Variants in KIF24 observed in about 807,000 individuals in gnomAD.
KIF24 encodes kinesin-like protein KIF24.
KIF24 carries 81 observed loss-of-function variants against 118.9 expected under a neutral mutation model. That is an observed-to-expected ratio of 0.68 (90% CI 0.57 to 0.82). KIF24 has a LOEUF of 0.82. Ranked by LOEUF, KIF24 falls within the 40% of genes least tolerant of loss-of-function variation. The probability of loss-of-function intolerance (pLI) is 0.00; values close to 1 mark genes in which losing one functional copy is unlikely to be tolerated. For synonymous variants in KIF24, 599 were observed against 610.0 expected (o/e 0.98, Z 0.27); for missense variants, 1,560 against 1,661.6 (o/e 0.94, Z 1.06).
rs1197581347 is a variant in KIF24, at chr9:34,309,964, G to T, written c.623+760C>A. ...TATATAATGTTTAAAATAAAACAAGGAGTACTTTTTTTTTTTTTTTACAAG... is the reference window on the plus strand; with the variant it reads ...TATATAATGTTTAAAATAAAACAAGTAGTACTTTTTTTTTTTTTTTACAAG... On this transcript the variant is annotated intron_variant, in intron 2 of 12. Coordinates refer to ENST00000402558, the MANE Select transcript of KIF24 (RefSeq NM_194313.4). Among the ~76,000 whole-genome samples, 9 of 112,534 alleles carry T rather than the reference G, an allele frequency of 8.0e-5. No homozygotes were observed. In the Admixed American group the frequency reaches 9.8e-4, roughly 12 times the overall value. 73.8% of individuals were successfully genotyped at this position (112,534 alleles called of 152,430 possible).
At chr9:34,271,108 C>T (rs1587925124) in intron 7 of KIF24, among the ~76,000 whole-genome samples, 1 of 152,022 alleles carries the variant, frequency 6.6e-6, no homozygotes, top group East Asian at 1.9e-4. Context: ...AACAAAGAAA[C>T]ATGAGTGTCA....
rs1834774309 is a variant in KIF24 at position 34,255,153 on chromosome 9, GA to G, written c.3884del (p.Ile1295ThrfsTer21). On this transcript the variant is annotated frameshift_variant, in exon 12 of 13. Coordinates refer to ENST00000402558, the MANE Select transcript of KIF24 (RefSeq NM_194313.4). LOFTEE classifies it high-confidence loss of function. ...PTLEQAQQVV[I>X]RAHQEQLDEM... Reference sequence around the variant, plus strand: ...CATCCAGCTGTTCCTGGTGTGCTCGGATGACCACCTGCCTGGGAACACCAGA... The same window carrying G: ...CATCCAGCTGTTCCTGGTGTGCTCGGTGACCACCTGCCTGGGAACACCAGA... 6.3e-7 allele frequency: 1 copy of G among 1,581,746 alleles called. No individual in the cohort carries two copies. Among genetic ancestry groups the G allele is most frequent in the African/African-American group, 1.3e-5 (1 of 74,238 alleles).
intron 1 of KIF24, among the ~76,000 whole-genome samples, chr9:34,315,367 A>T (rs1837298053): frequency 6.6e-6 from 1 of 152,116 alleles, no homozygotes; most frequent in African/African-American, 2.4e-5. Flanking sequence ...TCATAACTAT[A>T]TTGCAATCTA....
At chr9:34,322,972 T>A (rs75693932) in intron 1 of KIF24, among the ~76,000 whole-genome samples, 63 of 152,306 alleles carry the variant, frequency 4.1e-4, no homozygotes, top group Non-Finnish European at 7.9e-4. Flanking sequence ...CACAATAAAT[T>A]CAGTATTATC....
At position 34,256,167 on chromosome 9, in the gene KIF24, T is replaced by G; in HGVS notation, c.3440A>C (p.Glu1147Ala). ...QHPADKLPSREADLGEACQSR... is the reference protein window; with the variant it reads ...QHPADKLPSRAADLGEACQSR... ...CTGGCAGGCCTCTCCTAGGTCTGCCTCCCTGCTGGGCAGCTTGTCAGCTGG... is the reference window on the plus strand; with the variant it reads ...CTGGCAGGCCTCTCCTAGGTCTGCCGCCCTGCTGGGCAGCTTGTCAGCTGG... Residue 1147 changes from glutamate to alanine, a missense_variant, in exon 11 of 13, where the codon GAG (glutamate) becomes GCG (alanine). By Grantham distance (107) the Glu-to-Ala change is moderately radical. Coordinates refer to ENST00000402558, the MANE Select transcript of KIF24 (RefSeq NM_194313.4). 1 of 1,604,650 alleles carries G rather than the reference T, an allele frequency of 6.2e-7. No homozygotes were observed. The highest frequency in any genetic ancestry group is 8.5e-7 in the Non-Finnish European group (1 of 1,173,524).
Position 34,310,980 on chromosome 9 carries a change from C to A in KIF24, c.367G>T (p.Asp123Tyr). 1 of 1,613,974 alleles carries A rather than the reference C, an allele frequency of 6.2e-7. No homozygotes were observed. Among genetic ancestry groups the A allele is most frequent in the Non-Finnish European group, 8.5e-7 (1 of 1,179,874 alleles). The change falls in exon 2 of 13, where the codon GAT becomes TAT. Residue 123 changes from aspartate (D) to tyrosine (Y), a missense_variant. This residue lies in a region of KIF24 where 964 missense variants were observed against 988.0 expected (regional missense o/e 0.98). Transcript: ENST00000402558. ...GACTTCTGTTCATTTGCAGAGAAATCTGATAAACTGCACATTTCAAACCCA... is the reference window on the plus strand; with the variant it reads ...GACTTCTGTTCATTTGCAGAGAAATATGATAAACTGCACATTTCAAACCCA... ...NDGFEMCSLS[D>Y]FSANEQKSTY...
intron 1 of KIF24, among the ~76,000 whole-genome samples, chr9:34,314,352 G>A (rs1018104196): frequency 6.6e-6 from 1 of 152,036 alleles, no homozygotes; most frequent in Non-Finnish European, 1.5e-5. Flanking sequence ...GTTTAGTAGA[G>A]AGGAGGTTTC....
chr9:34,306,801 CA>C (rs879605765), intron 2 of KIF24, among the ~76,000 whole-genome samples: 1,909 of 134,850 alleles, frequency 0.014, 14 homozygotes, highest in African/African-American at 0.017. Context: ...GATTCTGTCT[CA>C]AAAAAAAAAA....
At chr9:34,311,672 G>GTATATGTATATATATACGTA (rs1837156607) in intron 1 of KIF24, among the ~76,000 whole-genome samples, 3 of 99,088 alleles carry the variant, frequency 3.0e-5, no homozygotes, top group Non-Finnish European at 4.3e-5. Flanking sequence ...ATATATACGT[G>GTATATGTATATATATACGTA]TATATGTATA....
At chr9:34,290,562 GGAAAAAA>G in intron 4 of KIF24, among the ~76,000 whole-genome samples, 173 bp from the exon 5 acceptor site, 1 of 149,572 alleles carries the variant, frequency 6.7e-6, no homozygotes. Flanking sequence ...CACAGGAAGA[GGAAAAAA>G]AATTCTCAAA....
Sources: gnomAD v4.1 joint callset for allele counts (sites outside exome capture counted in the v4.1 genomes callset) on GRCh38, gnomAD v4.1.1 for gene constraint, gnomAD v4.1.1 regional missense constraint, MANE v1.5 for transcripts, NCBI Gene and HGNC (gene_info 2026-07-23, HGNC 2026-07-21) for gene names.